The following CMSS1 variants were observed in gnomAD, a reference collection of about 807,000 sequenced individuals.
CMSS1 encodes the protein protein CMSS1.
A neutral mutation model predicts 43.5 loss-of-function variants in CMSS1; 33 were observed. The observed-to-expected ratio is 0.76, with a 90% confidence interval of 0.57 to 1.01. The LOEUF (loss-of-function observed/expected upper bound fraction) is 1.01. Ranked by LOEUF, CMSS1 falls within the 50% of genes least tolerant of loss-of-function variation. The pLI, the probability that CMSS1 is intolerant of heterozygous loss-of-function variation, is 0.00. For missense variants in CMSS1, 313 were observed against 326.4 expected (o/e 0.96, Z 0.32); for synonymous variants, 115 against 117.2 (o/e 0.98, Z 0.12).
chr3:100,135,491 T>TGTGTGTGTGTGTG (rs57072092), intron 1 of CMSS1, among the ~76,000 whole-genome samples: 1 of 121,412 alleles, frequency 8.2e-6, no homozygotes, highest in Non-Finnish European at 1.8e-5. Context: ...TGTGTGTGTG[T>TGTGTGTGTGTGTG]TTAAGAGACA....
intron 1 of CMSS1, among the ~76,000 whole-genome samples, chr3:99,879,603 T>A (rs1262496708): frequency 6.6e-6 from 1 of 152,194 alleles, no homozygotes; most frequent in Admixed American, 6.5e-5. Flanking sequence ...GAAGCAGTAA[T>A]TAATAGGATG....
At chr3:100,013,049 G>A (rs1242737407) in intron 1 of CMSS1, among the ~76,000 whole-genome samples, 2 of 151,426 alleles carry the variant, frequency 1.3e-5, no homozygotes, top group Admixed American at 1.3e-4. Context: ...TTGTTTGTTT[G>A]TTTTGTTTGG....
intron 1 of CMSS1, among the ~76,000 whole-genome samples, chr3:100,112,660 A>G (rs1290705344): frequency 6.6e-6 from 1 of 152,228 alleles, no homozygotes; most frequent in Non-Finnish European, 1.5e-5. Context: ...GTATCTTTGT[A>G]TTGGTTAGTA....
At chr3:100,091,890 G>T (rs2066116754) in intron 1 of CMSS1, among the ~76,000 whole-genome samples, 1 of 152,132 alleles carries the variant, frequency 6.6e-6, no homozygotes, top group South Asian at 2.1e-4. Flanking sequence ...AACTGTAAAG[G>T]CAGTATATAA....
At chr3:99,985,120 A>G (rs1225761558) in intron 1 of CMSS1, among the ~76,000 whole-genome samples, 1 of 152,214 alleles carries the variant, frequency 6.6e-6, no homozygotes, top group Non-Finnish European at 1.5e-5. Context: ...TACTAGAAAT[A>G]AAGTTCAAAA....
chr3:100,042,335 T>C (rs1412875154), intron 1 of CMSS1, among the ~76,000 whole-genome samples: 1 of 152,040 alleles, frequency 6.6e-6, no homozygotes, highest in Non-Finnish European at 1.5e-5. Context: ...GACCAGCCAG[T>C]AACAAAAAAA....
intron 1 of CMSS1, among the ~76,000 whole-genome samples, chr3:99,958,397 G>C (rs1209258540): frequency 2.6e-5 from 4 of 152,040 alleles, no homozygotes; most frequent in Non-Finnish European, 5.9e-5. Context: ...TGCCAGCCAT[G>C]AAAAAGCTGC....
intron 1 of CMSS1, among the ~76,000 whole-genome samples, chr3:99,972,122 C>G (rs1378250138): frequency 6.6e-6 from 1 of 152,154 alleles, no homozygotes; most frequent in Non-Finnish European, 1.5e-5. Flanking sequence ...AGTGATATTG[C>G]AGACATATAA....
intron 1 of CMSS1, among the ~76,000 whole-genome samples, chr3:100,141,208 TG>T (rs1445049369): frequency 1.3e-5 from 2 of 152,178 alleles, no homozygotes; most frequent in East Asian, 3.9e-4. Flanking sequence ...TGTGTCAGAA[TG>T]TCTGGTGAGT....
At chr3:99,864,017 T>C (rs1944387677) in intron 1 of CMSS1, among the ~76,000 whole-genome samples, 1 of 152,222 alleles carries the variant, frequency 6.6e-6, no homozygotes, top group Non-Finnish European at 1.5e-5. Context: ...AATACATCTT[T>C]ACAACTTCAT....
At position 100,074,033 on chromosome 3, in the gene CMSS1, C is replaced by T. The variant is rs75572185; in HGVS notation, c.65-72940C>T. ...TCAAGTAAAAGCAAGTCGTCTTCTA[C>T]TGTTAACTGCGGGAAAAGGTTTGTG... On this transcript the variant is annotated intron_variant, in intron 1 of 9. Coordinates refer to ENST00000421999, the MANE Select transcript of CMSS1 (RefSeq NM_032359.4). 6.7e-3 allele frequency among the ~76,000 whole-genome samples: 1,026 copies of T among 152,298 alleles called. 15 individuals are homozygous for T. Among genetic ancestry groups the T allele is most frequent in the African/African-American group, 0.023 (972 of 41,570 alleles).
intron 4 of CMSS1, among the ~76,000 whole-genome samples, chr3:100,165,132 T>C (rs2067055657): frequency 6.6e-6 from 1 of 152,140 alleles, no homozygotes; most frequent in Non-Finnish European, 1.5e-5. Flanking sequence ...AGAGACTTCA[T>C]CCCAGAAATC....
At chr3:99,937,399 A>G (rs1347588414) in intron 1 of CMSS1, among the ~76,000 whole-genome samples, 5 of 152,194 alleles carry the variant, frequency 3.3e-5, no homozygotes, top group African/African-American at 1.2e-4. Flanking sequence ...AAAACTATGT[A>G]TTTTTAAATT....
At chr3:99,857,672 T>C (rs1232972821) in intron 1 of CMSS1, among the ~76,000 whole-genome samples, 1 of 152,208 alleles carries the variant, frequency 6.6e-6, no homozygotes, top group Non-Finnish European at 1.5e-5. Context: ...GAAATAAACT[T>C]AGGGTGATCA....
intron 1 of CMSS1, among the ~76,000 whole-genome samples, chr3:100,061,203 C>T (rs2107344718): frequency 6.6e-6 from 1 of 152,122 alleles, no homozygotes; most frequent in African/African-American, 2.4e-5. Context: ...AACTATACTT[C>T]TTCTAAATAA....
intron 1 of CMSS1, among the ~76,000 whole-genome samples, chr3:100,063,435 A>G (rs2065608335): frequency 6.6e-6 from 1 of 152,120 alleles, no homozygotes; most frequent in Admixed American, 6.5e-5. Context: ...TATTATCTGA[A>G]TAGCTTTTTA....
rs1365643305 is a variant in CMSS1, at chr3:100,146,719, A to G, written c.65-254A>G. ...TAAAGGCTGTAAAACGTCCTCTTGT[A>G]TGAGTGTTCTGTGACAAAACATTCC... is the stretch of plus-strand genomic sequence containing the variant. On this transcript the variant is annotated intron_variant, in intron 1 of 9. Transcript: ENST00000421999. Among the ~76,000 whole-genome samples, 4 of 152,208 alleles carry G rather than the reference A, an allele frequency of 2.6e-5. No homozygotes were observed. The East Asian group carries it at 7.7e-4, about 29-fold the overall frequency.
intron 1 of CMSS1, among the ~76,000 whole-genome samples, chr3:100,064,251 C>T (rs566001294): frequency 4.9e-4 from 74 of 152,276 alleles, no homozygotes; most frequent in Non-Finnish European, 9.3e-4. Context: ...TCAAAGTAAA[C>T]ATTTCATGAG....
chr3:100,159,930 T>G (rs1421704262), intron 2 of CMSS1: 3 of 456,506 alleles, frequency 6.6e-6, no homozygotes, highest in African/African-American at 6.0e-5. Context: ...AGTTAATATA[T>G]CTTACTTTGG....
Sources: allele counts gnomAD v4.1 joint callset (sites outside exome capture counted in the v4.1 genomes callset), GRCh38; gene constraint gnomAD v4.1.1; transcripts MANE v1.5; gene names NCBI Gene and HGNC (gene_info 2026-07-23, HGNC 2026-07-21).